Variants in CHD8 observed in about 807,000 individuals in gnomAD.
The protein encoded by CHD8 is ATP-dependent chromatin remodeler CHD8.
In CHD8, 31 loss-of-function variants were observed where a neutral mutation model predicts 279.2. That is an observed-to-expected ratio of 0.11 (90% CI 0.08 to 0.15). The LOEUF (loss-of-function observed/expected upper bound fraction) is 0.15, where lower values mean the gene tolerates loss of function less well. Ranked by LOEUF, CHD8 falls within the 10% of genes least tolerant of loss-of-function variation. CHD8 has a pLI of 1.00. For synonymous variants in CHD8, 1,081 were observed against 1,139.6 expected (o/e 0.95, Z 1.04); for missense variants, 2,146 against 3,230.5 (o/e 0.66, Z 8.14).
chr14:21,399,755 T>G, intron 25 of CHD8, 50 bp from the exon 26 acceptor site: 1 of 1,275,082 alleles, frequency 7.8e-7, no homozygotes, highest in Non-Finnish European at 1.1e-6. Flanking sequence ...GAAATTAAAG[T>G]GAGAATCCTT....
chr14:21,414,991 G>C lies in CHD8; in HGVS notation c.1971C>G (p.Leu657=), dbSNP rs1888652787. Residue 657 remains leucine, a splice_region_variant and synonymous_variant, in exon 8 of 38, where the codon CTC becomes CTG. Coordinates refer to ENST00000646647, the MANE Select transcript of CHD8 (RefSeq NM_001170629.2). The part of the protein sequence containing the change: ...VLSMRIVKKE[L]PSGQYTEAEE... ...CTGCTTCAGTATATTGTCCAGAAGG[G>C]AGCTAAGAAAAAAGAAATAAATTAG... is the stretch of plus-strand genomic sequence containing the variant. The C allele has an allele frequency of 6.3e-7, 1 of 1,587,010 alleles. No individual in the cohort carries two copies. The highest frequency in any genetic ancestry group is 2.3e-5 in the East Asian group (1 of 44,314).
chr14:21,444,585 A>G (rs962008915), intron 1 of CHD8, among the ~76,000 whole-genome samples: 3 of 152,202 alleles, frequency 2.0e-5, no homozygotes, highest in African/African-American at 4.8e-5. Context: ...TAAAGGATCC[A>G]AGGAAGGGTC....
At chr14:21,454,141 G>A (rs927594736) in intron 1 of CHD8, among the ~76,000 whole-genome samples, 1 of 130,746 alleles carries the variant, frequency 7.6e-6, no homozygotes, top group Non-Finnish European at 1.7e-5. Flanking sequence ...CTGGGTGACA[G>A]AGCAAGACTC....
chr14:21,443,233 T>C (rs754357955), intron 1 of CHD8, among the ~76,000 whole-genome samples: 2 of 148,550 alleles, frequency 1.3e-5, no homozygotes, highest in African/African-American at 2.5e-5. Flanking sequence ...CTACTAAAAA[T>C]ACAAAAAATT....
intron 16 of CHD8, among the ~76,000 whole-genome samples, chr14:21,404,312 T>C (rs994580822): frequency 6.7e-6 from 1 of 149,754 alleles, no homozygotes; most frequent in Non-Finnish European, 1.5e-5. Flanking sequence ...GGCAGGAGAA[T>C]TGCTTGAACC....
At chr14:21,424,515 G>C (rs1041899112) in intron 5 of CHD8, among the ~76,000 whole-genome samples, 1 of 151,838 alleles carries the variant, frequency 6.6e-6, no homozygotes, top group Non-Finnish European at 1.5e-5. Flanking sequence ...CTGTCACCCA[G>C]GCTGGAGTGC....
intron 1 of CHD8, among the ~76,000 whole-genome samples, chr14:21,452,887 G>C (rs1890291598): frequency 6.6e-6 from 1 of 151,676 alleles, no homozygotes. Flanking sequence ...GGAAGGCTGA[G>C]GCAGAAGAAT....
In CHD8 at chr14:21,394,433, C is replaced by G; in HGVS notation, c.5443G>C (p.Val1815Leu). The G allele has an allele frequency of 6.2e-7, 1 of 1,613,082 alleles. No homozygotes were observed. The change falls in exon 31 of 38, where the codon GTG becomes CTG. Residue 1815 changes from valine (V) to leucine (L), a missense_variant. Around this residue, in one of 26 missense-constraint regions of CHD8, gnomAD observed 513 missense variants for 637.6 expected, o/e 0.80. Coordinates refer to ENST00000646647, the MANE Select transcript of CHD8 (RefSeq NM_001170629.2). Reference protein sequence around the residue: ...DFYRVVSTFGVEYDPDTMQFH... With the variant: ...DFYRVVSTFGLEYDPDTMQFH... The stretch of plus-strand genomic sequence containing the variant: ...TGCATGGTGTCAGGGTCATATTCCA[C>G]ACCAAACGTAGACACCACTCGATAA...
chr14:21,453,683 C>T (rs1890310808), intron 1 of CHD8, among the ~76,000 whole-genome samples: 1 of 151,826 alleles, frequency 6.6e-6, no homozygotes, highest in Admixed American at 6.6e-5. Context: ...CTGTTTTCCT[C>T]CCAAGTATTA....
Position 21,431,023 on chromosome 14 carries a change from G to C in CHD8, c.621C>G (p.Thr207=). ...GGKVTFTKVL[T]GTPLRPGVSI... ...AAACACCTGGTCGAAGGGGTGTGCC[G>C]GTTAGCACTTTGGTAAAAGTGACTT... Residue 207 remains threonine, a synonymous_variant, in exon 2 of 38, where the codon ACC becomes ACG. Transcript: ENST00000646647. The C allele has an allele frequency of 5.6e-6, 9 of 1,599,344 alleles. No individual in the cohort carries two copies. Among genetic ancestry groups the C allele is most frequent in the Non-Finnish European group, 6.8e-6 (8 of 1,179,718 alleles).
At chr14:21,450,585 T>C (rs571784684) in intron 1 of CHD8, among the ~76,000 whole-genome samples, 1 of 152,078 alleles carries the variant, frequency 6.6e-6, no homozygotes, top group East Asian at 1.9e-4. Context: ...GCCAAAAAGT[T>C]TGAGGTTGCA....
intron 1 of CHD8, among the ~76,000 whole-genome samples, chr14:21,445,780 T>C (rs956183461): frequency 6.9e-6 from 1 of 144,834 alleles, no homozygotes; most frequent in African/African-American, 2.6e-5. Context: ...TGCGGGTGGA[T>C]CACGAGGTCA....
intron 29 of CHD8, 57 bp downstream of exon 29, chr14:21,395,241 A>AT: frequency 1.3e-6 from 2 of 1,541,268 alleles, no homozygotes; most frequent in Non-Finnish European, 1.8e-6. Context: ...AATTCAGTGA[A>AT]TAATTCCCCA....
At chr14:21,393,036 T>C (rs1484242822) in intron 33 of CHD8, 70 bp downstream of exon 33, 17 of 1,488,448 alleles carry the variant, frequency 1.1e-5, no homozygotes, top group Non-Finnish European at 1.5e-5. Flanking sequence ...CATATGTTCC[T>C]TTTTCCCCGG....
intron 1 of CHD8, among the ~76,000 whole-genome samples, chr14:21,445,441 G>A (rs1303216753): frequency 1.3e-5 from 2 of 152,022 alleles, no homozygotes; most frequent in Non-Finnish European, 2.9e-5. Context: ...AGCACTTTGG[G>A]AGACCGAGGC....
At chr14:21,413,914 C>A (rs1888613391) in intron 9 of CHD8, 2 of 166,440 alleles carry the variant, frequency 1.2e-5, no homozygotes, top group Admixed American at 6.2e-5. Context: ...GCTCCTTTAT[C>A]CCTATTTCTA....
rs1473414003 is a variant in CHD8 at position 21,394,415 on chromosome 14, T to C, written c.5461A>G (p.Thr1821Ala). Residue 1821 changes from threonine (T) to alanine (A), a missense_variant, in exon 31 of 38, where the codon ACC becomes GCC. By Grantham distance (58) the Thr-to-Ala change is moderately conservative. This residue lies in a region of CHD8 where 513 missense variants were observed against 637.6 expected (regional missense o/e 0.80). Coordinates refer to ENST00000646647, the MANE Select transcript of CHD8 (RefSeq NM_001170629.2). Reference sequence around the variant, plus strand: ...AAGCGATCCCAATGGAACTGCATGGTGTCAGGGTCATATTCCACACCAAAC... The same window carrying C: ...AAGCGATCCCAATGGAACTGCATGGCGTCAGGGTCATATTCCACACCAAAC... ...STFGVEYDPD[T>A]MQFHWDRFRT... The C allele has an allele frequency of 1.2e-6, 2 of 1,613,632 alleles. No individual in the cohort carries two copies. The highest frequency in any genetic ancestry group is 1.7e-6 in the Non-Finnish European group (2 of 1,179,776).
chr14:21,396,541 C>G (rs1887793417), intron 27 of CHD8: 1 of 151,744 alleles, frequency 6.6e-6, no homozygotes, highest in Non-Finnish European at 1.5e-5. Context: ...CTCTTGGGCT[C>G]AAGTGATCCC....
In CHD8 at chr14:21,391,449, G is replaced by T; in HGVS notation, c.7065+14C>A. ...GAATGACTTTAAATCTTGCTGGATG[G>T]GACTGCCACTCACCGCTAGAAATCG... On this transcript the variant is annotated intron_variant, in intron 36 of 37. Coordinates refer to ENST00000646647, the MANE Select transcript of CHD8 (RefSeq NM_001170629.2). 1 of 1,611,564 alleles carries T rather than the reference G, an allele frequency of 6.2e-7. No homozygotes were observed. The highest frequency in any genetic ancestry group is 1.1e-5 in the South Asian group (1 of 90,688).
Sources: gnomAD v4.1 joint callset for allele counts (sites outside exome capture counted in the v4.1 genomes callset) on GRCh38, gnomAD v4.1.1 for gene constraint, gnomAD v4.1.1 regional missense constraint, MANE v1.5 for transcripts, NCBI Gene and HGNC (gene_info 2026-07-23, HGNC 2026-07-21) for gene names.